SGCZ: variants seen among roughly 807,000 people sequenced by gnomAD.
SGCZ encodes the protein zeta-sarcoglycan.
In SGCZ, 40 loss-of-function variants were observed where a neutral mutation model predicts 41.3. That is an observed-to-expected ratio of 0.97 (90% CI 0.75 to 1.26). SGCZ has a LOEUF of 1.26. SGCZ is among the 50% of genes most tolerant of loss of function. The pLI is 0.00. For synonymous variants in SGCZ, 206 were observed against 137.5 expected (o/e 1.50, Z -3.49); for missense variants, 552 against 369.8 (o/e 1.49, Z -4.04).
intron 1 of SGCZ, among the ~76,000 whole-genome samples, chr8:14,957,632 G>T (rs1800834382): frequency 6.6e-6 from 1 of 151,934 alleles, no homozygotes. Context: ...ATGGTGCCCA[G>T]ATATATTGTT....
At chr8:14,692,792 G>T (rs1431000307) in intron 1 of SGCZ, among the ~76,000 whole-genome samples, 1 of 152,066 alleles carries the variant, frequency 6.6e-6, no homozygotes, top group Non-Finnish European at 1.5e-5. Flanking sequence ...AGTAATAATG[G>T]CAAATATTTC....
rs1799539056 is a variant in SGCZ, at chr8:15,162,479, G to C, written c.39+75106C>G. 3.9e-5 allele frequency among the ~76,000 whole-genome samples: 6 copies of C among 152,160 alleles called. 1 individual carries two copies. In the South Asian group the frequency reaches 1.0e-3, roughly 26 times the overall value. On this transcript the variant is annotated intron_variant, in intron 1 of 7. Transcript: ENST00000382080. ...ATATCCTTTAGCTACAAGTCACGTG[G>C]ATAGATACTCCTTCATGACTCAGTT...
chr8:14,197,913 T>C (rs1805318145), intron 4 of SGCZ, among the ~76,000 whole-genome samples: 1 of 152,016 alleles, frequency 6.6e-6, no homozygotes, highest in East Asian at 1.9e-4. Flanking sequence ...AATTAAAAAA[T>C]ATATATAAAG....
intron 1 of SGCZ, among the ~76,000 whole-genome samples, chr8:15,134,307 T>G (rs537946875): frequency 0.024 from 3,631 of 150,558 alleles, 81 homozygotes; most frequent in Non-Finnish European, 0.032. Context: ...ATTAGGTCTT[T>G]TTTTTTTTTG....
chr8:14,522,037 A>T (rs966144302), intron 2 of SGCZ, among the ~76,000 whole-genome samples: 1 of 152,258 alleles, frequency 6.6e-6, no homozygotes, highest in African/African-American at 2.4e-5. Context: ...GCGATATTTC[A>T]TCTTTACTCA....
intron 1 of SGCZ, among the ~76,000 whole-genome samples, chr8:14,705,503 TG>T (rs1809304548): frequency 6.6e-6 from 1 of 152,008 alleles, no homozygotes; most frequent in Admixed American, 6.6e-5. Flanking sequence ...AGAGTATTAC[TG>T]CATTGCAAAC....
At chr8:14,244,074 T>C (rs540697853) in intron 3 of SGCZ, among the ~76,000 whole-genome samples, 166 of 152,312 alleles carry the variant, frequency 1.1e-3, no homozygotes, top group African/African-American at 3.6e-3. Flanking sequence ...CCAGGCTACA[T>C]GGGTTTAAGT....
chr8:14,698,326 T>G (rs1809031365), intron 1 of SGCZ, among the ~76,000 whole-genome samples: 1 of 151,934 alleles, frequency 6.6e-6, no homozygotes, highest in Admixed American at 6.6e-5. Context: ...AATATATATT[T>G]CAGATTGCTG....
intron 3 of SGCZ, among the ~76,000 whole-genome samples, chr8:14,286,133 C>G (rs1800618776): frequency 1.3e-5 from 2 of 151,702 alleles, no homozygotes; most frequent in African/African-American, 2.4e-5. Context: ...AGCTTATGCA[C>G]AAGTCTTTTA....
At chr8:14,550,404 T>A (rs1803766717) in intron 2 of SGCZ, among the ~76,000 whole-genome samples, 2 of 151,178 alleles carry the variant, frequency 1.3e-5, no homozygotes, top group East Asian at 3.9e-4. Context: ...AGCATATAAA[T>A]AAAAGCAGGA....
At chr8:14,188,960 ATTC>A in intron 4 of SGCZ, among the ~76,000 whole-genome samples, 1 of 150,770 alleles carries the variant, frequency 6.6e-6, no homozygotes, top group Non-Finnish European at 1.5e-5. Context: ...GGTTCAAGCA[ATTC>A]TTCTGCCTCA....
chr8:14,208,094 T>G lies in SGCZ; in HGVS notation c.424+29498A>C, dbSNP rs186216418. 4.8e-4 allele frequency among the ~76,000 whole-genome samples: 73 copies of G among 152,316 alleles called. 1 individual carries two copies. The East Asian group carries it at 0.01, about 21-fold the overall frequency. Reference sequence around the variant, plus strand: ...ACTACAAAGGTTTAAATGCCTATACTCAATGTACTTCCTACTAACCATGTT... The same window carrying G: ...ACTACAAAGGTTTAAATGCCTATACGCAATGTACTTCCTACTAACCATGTT... On this transcript the variant is annotated intron_variant, in intron 4 of 7. Coordinates refer to ENST00000382080, the MANE Select transcript of SGCZ (RefSeq NM_139167.4).
At chr8:15,132,127 A>C (rs1051320327) in intron 1 of SGCZ, among the ~76,000 whole-genome samples, 9 of 152,166 alleles carry the variant, frequency 5.9e-5, no homozygotes, top group African/African-American at 2.2e-4. Flanking sequence ...ATTACAAGTC[A>C]TTGTCTTGCT....
chr8:14,507,827 A>G (rs1802352062), intron 2 of SGCZ, among the ~76,000 whole-genome samples: 1 of 148,988 alleles, frequency 6.7e-6, no homozygotes, highest in Non-Finnish European at 1.5e-5. Context: ...GCTGGAGTGC[A>G]ATGGCGCGAT....
At chr8:15,005,211 A>G (rs1166435473) in intron 1 of SGCZ, among the ~76,000 whole-genome samples, 2 of 152,068 alleles carry the variant, frequency 1.3e-5, no homozygotes, top group African/African-American at 4.8e-5. Flanking sequence ...TTCAAAAGGC[A>G]TGGTACCAAA....
chr8:14,819,838 A>AC (rs1168795030), intron 1 of SGCZ, among the ~76,000 whole-genome samples: 1 of 152,084 alleles, frequency 6.6e-6, no homozygotes, highest in East Asian at 1.9e-4. Context: ...CACAATAGTA[A>AC]CCACAAAGAA....
chr8:14,779,829 T>C (rs936924424), intron 1 of SGCZ, among the ~76,000 whole-genome samples: 2 of 152,172 alleles, frequency 1.3e-5, no homozygotes, highest in Admixed American at 1.3e-4. Context: ...GCCATGTTTA[T>C]AGGTGATCAT....
At chr8:14,498,614 T>C (rs1802060086) in intron 2 of SGCZ, among the ~76,000 whole-genome samples, 1 of 152,110 alleles carries the variant, frequency 6.6e-6, no homozygotes, top group Non-Finnish European at 1.5e-5. Context: ...TTATTCCTTA[T>C]TTCCTTTTAA....
At chr8:14,635,476 C>A (rs1262997210) in intron 1 of SGCZ, among the ~76,000 whole-genome samples, 1 of 151,748 alleles carries the variant, frequency 6.6e-6, no homozygotes. Context: ...AGGGGTCCTC[C>A]CTTATCAGTG....
Sources: allele counts gnomAD v4.1 joint callset (sites outside exome capture counted in the v4.1 genomes callset), GRCh38; gene constraint gnomAD v4.1.1; transcripts MANE v1.5; gene names NCBI Gene and HGNC (gene_info 2026-07-23, HGNC 2026-07-21).